The following PRKCH variants were observed in gnomAD, a reference collection of about 807,000 sequenced individuals.
PRKCH encodes protein kinase C eta, also known as protein kinase C eta type.
PRKCH carries 28 observed loss-of-function variants against 82.5 expected under a neutral mutation model. The ratio of observed to expected loss-of-function variants is 0.34; its 90% confidence interval spans 0.25 to 0.47. PRKCH has a LOEUF of 0.47. Among genes scored for constraint, PRKCH ranks in the 20% least tolerant of loss-of-function variants. PRKCH has a pLI of 1.00. For missense variants in PRKCH, 705 were observed against 881.8 expected, an observed-to-expected ratio of 0.80 and a Z score of 2.54; for synonymous variants, 322 against 327.4, an observed-to-expected ratio of 0.98 and a Z score of 0.18.
chr14:61,377,806 C>G (rs2046445103), intron 1 of PRKCH, among the ~76,000 whole-genome samples: 1 of 152,160 alleles, frequency 6.6e-6, no homozygotes, highest in Non-Finnish European at 1.5e-5. Flanking sequence ...CTGATTTCAC[C>G]CTTAGCAAAC....
chr14:61,523,178 A>G (rs2042926242), intron 10 of PRKCH, among the ~76,000 whole-genome samples: 1 of 152,230 alleles, frequency 6.6e-6, no homozygotes. Context: ...TGACCACTTG[A>G]GAGATTTGCT....
intron 1 of PRKCH, among the ~76,000 whole-genome samples, chr14:61,255,240 A>G (rs954214214): frequency 6.6e-6 from 1 of 152,182 alleles, no homozygotes; most frequent in Admixed American, 6.5e-5. Context: ...ACCAAGCAGC[A>G]AAGAGGTTAA....
chr14:61,195,058 T>C (rs753268265), intron 1 of PRKCH, among the ~76,000 whole-genome samples: 15 of 152,226 alleles, frequency 9.9e-5, no homozygotes, highest in Non-Finnish European at 2.2e-4. Context: ...AAACAGTCAA[T>C]ATTCATTATG....
In PRKCH at chr14:61,457,649, C is replaced by T. The variant is rs1173333020; in HGVS notation, c.1248C>T (p.Leu416=). 6.2e-7 allele frequency: 1 copy of T among 1,614,182 alleles called. No homozygotes were observed. Among genetic ancestry groups the T allele is most frequent in the Non-Finnish European group, 8.5e-7 (1 of 1,180,014 alleles). ...ILSLARNHPF[L]TQLFCCFQTP... Reference sequence around the variant, plus strand: ...CTCTGGCCCGCAATCACCCCTTCCTCACTCAGTTGTTCTGCTGCTTTCAGA... The same window carrying T: ...CTCTGGCCCGCAATCACCCCTTCCTTACTCAGTTGTTCTGCTGCTTTCAGA... The change falls in exon 9 of 14, where the codon CTC becomes CTT. Residue 416 remains leucine, a synonymous_variant. Transcript: ENST00000332981.
At position 61,287,070 on chromosome 14, in the gene PRKCH, G is replaced by A. The variant is rs534274689; in HGVS notation, c.-19+99402G>A. Among the ~76,000 whole-genome samples the A allele has an allele frequency of 2.6e-4, 39 of 151,502 alleles. 1 individual carries two copies. The highest frequency in any genetic ancestry group is 2.6e-3 in the Admixed American group (39 of 15,212). ...AAAATACAAAAATTAGCCAGGTGTG[G>A]TGGCATGCACCTGTGATCCCAGCTA... On this transcript the variant is annotated intron_variant, in intron 1 of 3. Transcript: ENST00000555185.
chr14:61,453,375 A>G (rs959701641), intron 7 of PRKCH, 22 bp downstream of exon 7: 3 of 1,607,296 alleles, frequency 1.9e-6, no homozygotes, highest in African/African-American at 1.3e-5. Context: ...CTTTTTTTCC[A>G]TGTCTCGTAA....
At chr14:61,322,624 A>G in intron 1 of PRKCH, 160 bp downstream of exon 1, 1 of 1,009,574 alleles carries the variant, frequency 9.9e-7, no homozygotes, top group Non-Finnish European at 1.4e-6. Context: ...TGGTGACGCG[A>G]CCGCGGTGGG....
chr14:61,537,596 T>C (rs1318732614), intron 12 of PRKCH: 2 of 152,152 alleles, frequency 1.3e-5, no homozygotes, highest in East Asian at 3.9e-4. Flanking sequence ...GTCTCAGAGG[T>C]TAGTGCTCCT....
At chr14:61,202,917 G>T (rs570691340) in intron 1 of PRKCH, among the ~76,000 whole-genome samples, 1 of 152,050 alleles carries the variant, frequency 6.6e-6, no homozygotes, top group Admixed American at 6.5e-5. Context: ...TTCACTCTTG[G>T]TGTACATCCT....
At chr14:61,412,152 A>G (rs760971954) in intron 2 of PRKCH, among the ~76,000 whole-genome samples, 5 of 152,226 alleles carry the variant, frequency 3.3e-5, no homozygotes, top group Non-Finnish European at 7.3e-5. Flanking sequence ...TCCAACCAAA[A>G]ATTACCAGAT....
intron 1 of PRKCH, among the ~76,000 whole-genome samples, chr14:61,247,121 G>A (rs2044892094): frequency 6.6e-6 from 1 of 152,154 alleles, no homozygotes; most frequent in Non-Finnish European, 1.5e-5. Flanking sequence ...CAGGAACTAT[G>A]TCCTATTCAT....
At chr14:61,520,631 A>G (rs190896137) in intron 10 of PRKCH, among the ~76,000 whole-genome samples, 3 of 152,342 alleles carry the variant, frequency 2.0e-5, no homozygotes, top group East Asian at 1.9e-4. Context: ...GCCATTAAAC[A>G]TATATTCTTC....
chr14:61,219,518 G>T (rs993220975), intron 1 of PRKCH, among the ~76,000 whole-genome samples: 1 of 152,154 alleles, frequency 6.6e-6, no homozygotes, highest in Non-Finnish European at 1.5e-5. Context: ...ACCAGGTGAG[G>T]AGTTAGTTAG....
At chr14:61,528,605 CTG>C (rs35974416) in intron 10 of PRKCH, among the ~76,000 whole-genome samples, 18,435 of 152,170 alleles carry the variant, frequency 0.12, 1,236 homozygotes, top group African/African-American at 0.18. Flanking sequence ...TCCCATTACA[CTG>C]TGAGTTCCTT....
At chr14:61,540,223 A>G (rs756788562) in intron 12 of PRKCH, among the ~76,000 whole-genome samples, 16 of 152,144 alleles carry the variant, frequency 1.1e-4, no homozygotes, top group Non-Finnish European at 1.2e-4. Context: ...TTCTCCTTCC[A>G]TAGAATCAGA....
At chr14:61,217,318 G>A (rs541767962) in intron 1 of PRKCH, among the ~76,000 whole-genome samples, 24 of 152,224 alleles carry the variant, frequency 1.6e-4, no homozygotes, top group South Asian at 4.1e-4. Context: ...AGTTGGGCCC[G>A]GGAGGTTGAG....
At chr14:61,497,004 G>A (rs1291563489) in intron 10 of PRKCH, among the ~76,000 whole-genome samples, 1 of 152,154 alleles carries the variant, frequency 6.6e-6, no homozygotes, top group African/African-American at 2.4e-5. Context: ...TTAAATAAAT[G>A]AAAGCCTTCT....
At chr14:61,401,174 A>T (rs1215144289) in intron 2 of PRKCH, among the ~76,000 whole-genome samples, 1 of 152,220 alleles carries the variant, frequency 6.6e-6, no homozygotes, top group East Asian at 1.9e-4. Flanking sequence ...TGGATGGGCC[A>T]GAAAGCTCTA....
intron 2 of PRKCH, among the ~76,000 whole-genome samples, chr14:61,409,865 C>T (rs1486819712): frequency 6.6e-6 from 1 of 152,156 alleles, no homozygotes; most frequent in Non-Finnish European, 1.5e-5. Flanking sequence ...TGTACATTGT[C>T]AGGCAGCATT....
Sources: gnomAD v4.1 joint callset for allele counts (sites outside exome capture counted in the v4.1 genomes callset) on GRCh38, gnomAD v4.1.1 for gene constraint, MANE v1.5 for transcripts, NCBI Gene and HGNC (gene_info 2026-07-23, HGNC 2026-07-21) for gene names.